The following ABCA1 variants were observed in gnomAD, a reference collection of about 807,000 sequenced individuals.
ABCA1 encodes the protein phospholipid-transporting ATPase ABCA1.
ABCA1 carries 133 observed loss-of-function variants against 262.5 expected under a neutral mutation model. The observed-to-expected ratio is 0.51, with a 90% confidence interval of 0.44 to 0.59. The LOEUF (loss-of-function observed/expected upper bound fraction) is 0.59, where lower values mean the gene tolerates loss of function less well. Ranked by LOEUF, ABCA1 falls within the 20% of genes least tolerant of loss-of-function variation. The pLI, the probability that ABCA1 is intolerant of heterozygous loss-of-function variation, is 0.00. For synonymous variants in ABCA1, 1,022 were observed against 1,043.5 expected (o/e 0.98, Z 0.40); for missense variants, 2,452 against 2,777.5 (o/e 0.88, Z 2.63).
At chr9:104,868,916 G>A (rs780911636) in intron 5 of ABCA1, among the ~76,000 whole-genome samples, 1 of 151,994 alleles carries the variant, frequency 6.6e-6, no homozygotes, top group Admixed American at 6.6e-5. Flanking sequence ...GTGGGGGCGA[G>A]GTCCTGCTTT....
rs532886403 is a variant in ABCA1 at position 104,803,852 on chromosome 9, C to T, written c.4560-536G>A. On this transcript the variant is annotated intron_variant, in intron 32 of 49. Transcript: ENST00000374736. The stretch of plus-strand genomic sequence containing the variant: ...AAACTCCTGACCTCAAGTGATCCAC[C>T]CGCCTTGGCCTCCTAAAGTGCTGGG... Among the ~76,000 whole-genome samples the T allele has an allele frequency of 7.0e-4, 106 of 152,268 alleles. 1 individual carries two copies. The South Asian group carries it at 0.02, about 29-fold the overall frequency.
Position 104,804,682 on chromosome 9 carries a change from T to C in ABCA1, c.4503A>G (p.Thr1501=), listed in dbSNP as rs552300840. 1.2e-6 allele frequency: 2 copies of C among 1,614,246 alleles called. No individual in the cohort carries two copies. The highest frequency in any genetic ancestry group is 3.3e-5 in the Admixed American group (2 of 60,034). The change falls in exon 32 of 50, where the codon ACA becomes ACG. Residue 1501 remains threonine, a synonymous_variant. Coordinates refer to ENST00000374736, the MANE Select transcript of ABCA1 (RefSeq NM_005502.4). The part of the protein sequence containing the change: ...QNTADILQDL[T]GRNISDYLVK... Reference sequence around the variant, plus strand: ...CCAGATAATCCGAAATGTTTCTTCCTGTCAGGTCCTGAAGGATATCTGCAG... The same window carrying C: ...CCAGATAATCCGAAATGTTTCTTCCCGTCAGGTCCTGAAGGATATCTGCAG...
At chr9:104,805,045 G>A (rs1179817090) in intron 31 of ABCA1, among the ~76,000 whole-genome samples, 2 of 152,164 alleles carry the variant, frequency 1.3e-5, no homozygotes, top group Non-Finnish European at 2.9e-5. Flanking sequence ...GTTCACTGGA[G>A]TTATACTGAT....
intron 44 of ABCA1, among the ~76,000 whole-genome samples, chr9:104,790,659 A>G (rs1399540232): frequency 3.9e-5 from 6 of 152,224 alleles, no homozygotes; most frequent in African/African-American, 4.8e-5. Context: ...TACTCTTAAA[A>G]AACAAGCAAA....
At chr9:104,812,427 G>A in intron 28 of ABCA1, 147 bp downstream of exon 28, 1 of 1,047,504 alleles carries the variant, frequency 9.5e-7, no homozygotes, top group East Asian at 2.6e-5. Context: ...ATACACAACT[G>A]GCAAGGAATA....
chr9:104,796,354 G>C lies in ABCA1; in HGVS notation c.5192C>G (p.Ser1731Cys), dbSNP rs760507032. 1.2e-5 allele frequency: 19 copies of C among 1,614,082 alleles called. No homozygotes were observed. The highest frequency in any genetic ancestry group is 1.6e-5 in the Non-Finnish European group (19 of 1,180,038). The change falls in exon 38 of 50, where the codon TCC (serine) becomes TGC (cysteine). Residue 1731 changes from serine to cysteine, a missense_variant. Physicochemically the swap from Ser to Cys is moderately radical, Grantham distance 112. Coordinates refer to ENST00000374736, the MANE Select transcript of ABCA1 (RefSeq NM_005502.4). ...FICFQQKSYV[S>C]STNLPVLALL... ...GGCTAGCACAGGCAGATTGGTGGAG[G>C]ACACATAGGACTTCTGCTGGAAGCA... is the stretch of plus-strand genomic sequence containing the variant.
intron 35 of ABCA1, 130 bp from the exon 36 acceptor site, chr9:104,800,118 G>C (rs1056739475): frequency 2.0e-6 from 2 of 1,004,018 alleles, no homozygotes; most frequent in Admixed American, 3.7e-5. Context: ...AAAACACTAT[G>C]ATCAGAGAAT....
At chr9:104,811,406 T>C (rs1266099954) in intron 28 of ABCA1, among the ~76,000 whole-genome samples, 2 of 152,200 alleles carry the variant, frequency 1.3e-5, no homozygotes, top group Non-Finnish European at 2.9e-5. Context: ...TGAGAACACA[T>C]GGCCCATTCA....
intron 25 of ABCA1, 98 bp from the exon 26 acceptor site, chr9:104,814,573 C>A (rs9282549): frequency 2.5e-6 from 3 of 1,214,422 alleles, no homozygotes; most frequent in Non-Finnish European, 3.7e-6. Context: ...ATGTTAGCCC[C>A]GTAAGACAGA....
At chr9:104,786,051 G>A (rs1473584496) in intron 48 of ABCA1, among the ~76,000 whole-genome samples, 1 of 152,178 alleles carries the variant, frequency 6.6e-6, no homozygotes, top group Admixed American at 6.5e-5. Flanking sequence ...ACAAAGCTAG[G>A]AGGTAGATCT....
intron 42 of ABCA1, among the ~76,000 whole-genome samples, chr9:104,792,222 C>A (rs1829487370): frequency 6.6e-6 from 1 of 152,184 alleles, no homozygotes; most frequent in Non-Finnish European, 1.5e-5. Flanking sequence ...TACTTTTTAA[C>A]CTGTCTTTTT....
At chr9:104,859,736 A>T (rs1038040973) in intron 6 of ABCA1, among the ~76,000 whole-genome samples, 1 of 152,188 alleles carries the variant, frequency 6.6e-6, no homozygotes, top group African/African-American at 2.4e-5. Flanking sequence ...GTCAGCCTAC[A>T]GTTAGTGTCT....
intron 6 of ABCA1, among the ~76,000 whole-genome samples, chr9:104,859,363 AC>A (rs1836142302): frequency 6.7e-6 from 1 of 150,114 alleles, no homozygotes; most frequent in African/African-American, 2.5e-5. Context: ...CTGGACCTAA[AC>A]TATTCTACTT....
Position 104,820,073 on chromosome 9 carries a change from G to C in ABCA1, c.2961-4C>G. 1 of 1,614,142 alleles carries C rather than the reference G, an allele frequency of 6.2e-7. No homozygotes were observed. Among genetic ancestry groups the C allele is most frequent in the African/African-American group, 1.3e-5 (1 of 75,026 alleles). ...GATGTGTTCTTCGACAGTCAGCCTG[G>C]GGACAGGGAGGCAGGTCAGCTCTGG... On this transcript the variant is annotated splice_region_variant and splice_polypyrimidine_tract_variant and intron_variant, in intron 20 of 49. Transcript: ENST00000374736.
chr9:104,901,340 C>G (rs1840652503), intron 2 of ABCA1, among the ~76,000 whole-genome samples: 1 of 152,180 alleles, frequency 6.6e-6, no homozygotes, highest in South Asian at 2.1e-4. Flanking sequence ...CCCTTCCCTG[C>G]TTTGTACCTC....
In ABCA1 at chr9:104,800,493, C is replaced by A; in HGVS notation, c.4773+17G>T. On this transcript the variant is annotated intron_variant, in intron 35 of 49. Transcript: ENST00000374736. ...ATTGTTCATCAAAAAGCTACTAGAACAAAGACAGCGGTTTACCTTGACATT... is the reference window on the plus strand; with the variant it reads ...ATTGTTCATCAAAAAGCTACTAGAAAAAAGACAGCGGTTTACCTTGACATT... 1 of 1,610,260 alleles carries A rather than the reference C, an allele frequency of 6.2e-7. No homozygotes were observed. The highest frequency in any genetic ancestry group is 8.5e-7 in the Non-Finnish European group (1 of 1,176,428).
At chr9:104,924,804 G>T (rs965434302) in intron 1 of ABCA1, among the ~76,000 whole-genome samples, 8 of 152,070 alleles carry the variant, frequency 5.3e-5, no homozygotes, top group African/African-American at 1.7e-4. Context: ...TACATATATA[G>T]CTTAAGTATC....
intron 5 of ABCA1, among the ~76,000 whole-genome samples, chr9:104,881,426 G>A (rs959466733): frequency 1.3e-5 from 2 of 152,150 alleles, no homozygotes; most frequent in African/African-American, 4.8e-5. Flanking sequence ...TATAGTTGAG[G>A]AAAGTAAGGC....
rs77749224 is a variant in ABCA1, at chr9:104,914,514, A to G, written c.-92-10743T>C. ...AAACTCCATCTTAAAAAAAAAAAAA[A>G]AGAGAGAAATCTGAGCCTTATAATT... On this transcript the variant is annotated intron_variant, in intron 1 of 49. Transcript: ENST00000374736. 3.8e-3 allele frequency among the ~76,000 whole-genome samples: 571 copies of G among 151,726 alleles called. 1 individual carries two copies. Among genetic ancestry groups the G allele is most frequent in the African/African-American group, 0.012 (485 of 41,364 alleles).
Sources: gnomAD v4.1 joint callset for allele counts (sites outside exome capture counted in the v4.1 genomes callset) on GRCh38, gnomAD v4.1.1 for gene constraint, MANE v1.5 for transcripts, NCBI Gene and HGNC (gene_info 2026-07-23, HGNC 2026-07-21) for gene names.